NEO1: variants seen among roughly 807,000 people sequenced by gnomAD.
NEO1 encodes neogenin 1.
NEO1 carries 63 observed loss-of-function variants against 159.7 expected under a neutral mutation model. That is an observed-to-expected ratio of 0.39 (90% CI 0.32 to 0.49). The LOEUF (loss-of-function observed/expected upper bound fraction) is 0.49, where lower values mean the gene tolerates loss of function less well. NEO1 is among the 20% of genes least tolerant of loss of function. The pLI is 0.85. For missense variants in NEO1, 1,615 were observed against 1,831.0 expected, an observed-to-expected ratio of 0.88 and a Z score of 2.15; for synonymous variants, 633 against 662.0, an observed-to-expected ratio of 0.96 and a Z score of 0.67.
chr15:73,123,750 G>A (rs1294999213), intron 3 of NEO1, among the ~76,000 whole-genome samples: 2 of 152,034 alleles, frequency 1.3e-5, no homozygotes, highest in Non-Finnish European at 2.9e-5. Flanking sequence ...TGTTCTCACT[G>A]CTAGGTGCCC....
Position 73,172,299 on chromosome 15 carries a change from C to A in NEO1, c.1016-4104C>A, listed in dbSNP as rs185485232. Among the ~76,000 whole-genome samples the A allele has an allele frequency of 4.5e-4, 68 of 152,238 alleles. No homozygotes were observed. In the East Asian group the frequency reaches 0.013, roughly 29 times the overall value. On this transcript the variant is annotated intron_variant, in intron 5 of 28. Transcript: ENST00000261908. ...TGTGCTATGGAGTTACTTAGCGTCTCTGTGTATTAGTGTCCTTGCCTATAA... is the reference window on the plus strand; with the variant it reads ...TGTGCTATGGAGTTACTTAGCGTCTATGTGTATTAGTGTCCTTGCCTATAA...
At chr15:73,139,447 A>ATTAATGAAATAAT (rs1209524722) in intron 5 of NEO1, among the ~76,000 whole-genome samples, 4 of 152,188 alleles carry the variant, frequency 2.6e-5, no homozygotes, top group Admixed American at 6.5e-5. Flanking sequence ...GAAAATGATA[A>ATTAATGAAATAAT]CAAGAGCAAA....
intron 7 of NEO1, among the ~76,000 whole-genome samples, chr15:73,189,657 A>C (rs1276841748): frequency 1.3e-5 from 2 of 152,262 alleles, no homozygotes; most frequent in Admixed American, 6.5e-5. Context: ...GCCATAGGCC[A>C]GCTGGCTAGT....
chr15:73,206,434 A>G (rs575024569), intron 7 of NEO1, among the ~76,000 whole-genome samples: 2 of 152,276 alleles, frequency 1.3e-5, no homozygotes, highest in East Asian at 3.9e-4. Flanking sequence ...TTGTTGACCT[A>G]TCACAAGTTT....
At chr15:73,241,206 A>G (rs2039470785) in intron 8 of NEO1, among the ~76,000 whole-genome samples, 1 of 152,176 alleles carries the variant, frequency 6.6e-6, no homozygotes, top group Non-Finnish European at 1.5e-5. Flanking sequence ...GTACTTTTCT[A>G]TATTAACCAT....
At position 73,122,895 on chromosome 15, in the gene NEO1, C is replaced by T. The variant is rs944257900; in HGVS notation, c.724+95C>T. 5.6e-5 allele frequency: 81 copies of T among 1,451,678 alleles called. 1 individual carries two copies. The highest frequency in any genetic ancestry group is 4.3e-4 in the Middle Eastern group (2 of 4,660). 89.9% of individuals were successfully genotyped at this position (1,451,678 alleles called of 1,614,324 possible). On this transcript the variant is annotated intron_variant, in intron 3 of 28. Coordinates refer to ENST00000261908, the MANE Select transcript of NEO1 (RefSeq NM_002499.4). Reference sequence around the variant, plus strand: ...TTAAAAATAATGAATGTTGGCCGGGCGCAGTGGCTCACACCTGTAATCCCA... The same window carrying T: ...TTAAAAATAATGAATGTTGGCCGGGTGCAGTGGCTCACACCTGTAATCCCA...
chr15:73,211,792 C>G (rs554278800), intron 7 of NEO1, among the ~76,000 whole-genome samples: 33 of 152,236 alleles, frequency 2.2e-4, no homozygotes, highest in African/African-American at 5.8e-4. Flanking sequence ...GAGAAGAAGC[C>G]CAAGGAAGCT....
At chr15:73,284,940 AT>A (rs1210021730) in intron 23 of NEO1, among the ~76,000 whole-genome samples, 3 of 150,176 alleles carry the variant, frequency 2.0e-5, no homozygotes, top group Non-Finnish European at 4.4e-5. Flanking sequence ...CAAAGACTAC[AT>A]TTTTTTTTCT....
Position 73,287,143 on chromosome 15 carries a change from C to T in NEO1, c.3411-1170C>T, listed in dbSNP as rs541869548. Among the ~76,000 whole-genome samples the T allele has an allele frequency of 8.6e-4, 131 of 152,328 alleles. 1 individual carries two copies. Among genetic ancestry groups the T allele is most frequent in the African/African-American group, 3.1e-3 (127 of 41,568 alleles). On this transcript the variant is annotated intron_variant, in intron 23 of 28. Coordinates refer to ENST00000261908, the MANE Select transcript of NEO1 (RefSeq NM_002499.4). ...TTCACATCATTCTCTGCAGGGTTCA[C>T]TATGTCCCCACCACTCAGGATTTCT... is the stretch of plus-strand genomic sequence containing the variant.
intron 7 of NEO1, among the ~76,000 whole-genome samples, chr15:73,230,512 T>C (rs978096710): frequency 3.9e-5 from 6 of 152,202 alleles, no homozygotes; most frequent in African/African-American, 1.4e-4. Flanking sequence ...CTGATGTAGG[T>C]AAAGCACTAC....
intron 1 of NEO1, among the ~76,000 whole-genome samples, chr15:73,066,932 CATTGCCTTG>C (rs1434220165): frequency 1.3e-5 from 2 of 152,232 alleles, no homozygotes; most frequent in African/African-American, 4.8e-5. Context: ...CTCAATTCCT[CATTGCCTTG>C]ATTGCCTTTA....
intron 1 of NEO1, among the ~76,000 whole-genome samples, chr15:73,096,914 C>T (rs1469027893): frequency 6.6e-6 from 1 of 152,066 alleles, no homozygotes; most frequent in Non-Finnish European, 1.5e-5. Flanking sequence ...TGCTTGAGCA[C>T]AGGAGTTCAT....
chr15:73,239,087 G>A (rs1022557819), intron 8 of NEO1, among the ~76,000 whole-genome samples: 3 of 152,092 alleles, frequency 2.0e-5, no homozygotes, highest in Admixed American at 6.5e-5. Context: ...GACCTCAGGC[G>A]ATCCACTTCA....
At chr15:73,145,987 G>C (rs2032861619) in intron 5 of NEO1, among the ~76,000 whole-genome samples, 1 of 152,148 alleles carries the variant, frequency 6.6e-6, no homozygotes. Flanking sequence ...ACACCATGCA[G>C]TTATTTTGCT....
chr15:73,280,637 C>T (rs2151084314), intron 22 of NEO1, among the ~76,000 whole-genome samples: 1 of 152,216 alleles, frequency 6.6e-6, no homozygotes, highest in South Asian at 2.1e-4. Context: ...ATTTTAGTGG[C>T]CCCAGTACCA....
chr15:73,209,832 AAAAC>A (rs1478421204), intron 7 of NEO1, among the ~76,000 whole-genome samples: 1 of 152,068 alleles, frequency 6.6e-6, no homozygotes, highest in South Asian at 2.1e-4. Context: ...TTTCTACTAA[AAAAC>A]AAACAAAAAA....
rs1282275176 is a variant in NEO1 at position 73,052,596 on chromosome 15, C to A, written c.-80C>A. 6.4e-6 allele frequency: 6 copies of A among 944,688 alleles called. No homozygotes were observed. The highest frequency in any genetic ancestry group is 4.9e-5 in the East Asian group (1 of 20,224). 58.5% of individuals were successfully genotyped at this position (944,688 alleles called of 1,614,324 possible). ...GGGAGCCGAGCTTGCAGCGAGGGACCGGCTGAGGCGCGCGGGAGGGAAGGA... is the reference window on the plus strand; with the variant it reads ...GGGAGCCGAGCTTGCAGCGAGGGACAGGCTGAGGCGCGCGGGAGGGAAGGA... On this transcript the variant is annotated 5_prime_UTR_variant, in exon 1 of 29. Transcript: ENST00000261908.
At chr15:73,203,617 G>T (rs1426716028) in intron 7 of NEO1, among the ~76,000 whole-genome samples, 1 of 151,850 alleles carries the variant, frequency 6.6e-6, no homozygotes, top group Non-Finnish European at 1.5e-5. Context: ...TCAAAATTTT[G>T]ATTATACTTA....
intron 7 of NEO1, among the ~76,000 whole-genome samples, chr15:73,182,931 G>A (rs1255650012): frequency 1.3e-5 from 2 of 152,132 alleles, no homozygotes; most frequent in Non-Finnish European, 2.9e-5. Flanking sequence ...TTCACTTTTG[G>A]CAGAACACAA....
Sources: gnomAD v4.1 joint callset for allele counts (sites outside exome capture counted in the v4.1 genomes callset) on GRCh38, gnomAD v4.1.1 for gene constraint, MANE v1.5 for transcripts, NCBI Gene and HGNC (gene_info 2026-07-23, HGNC 2026-07-21) for gene names.